Variants in GALNT5 observed in about 807,000 individuals in gnomAD.
GALNT5 encodes polypeptide N-acetylgalactosaminyltransferase 5.
Under a neutral mutation model 85.4 loss-of-function variants are expected in GALNT5, and 72 were observed. The observed-to-expected ratio is 0.84, with a 90% CI of 0.70 to 1.03. The LOEUF (loss-of-function observed/expected upper bound fraction) is 1.03, where lower values mean the gene tolerates loss of function less well. Among genes scored for constraint, GALNT5 ranks in the 50% least tolerant of loss-of-function variants. GALNT5 has a pLI of 0.00. For missense variants in GALNT5, 1,137 were observed against 1,135.5 expected, an observed-to-expected ratio of 1.00 and a Z score of -0.02; for synonymous variants, 404 against 397.0, an observed-to-expected ratio of 1.02 and a Z score of -0.21.
At chr2:157,281,482 G>A (rs1173243793) in intron 1 of GALNT5, among the ~76,000 whole-genome samples, 3 of 152,186 alleles carry the variant, frequency 2.0e-5, no homozygotes, top group African/African-American at 7.2e-5. Context: ...ACTGTTGGTA[G>A]CAATATGAAT....
At chr2:157,285,909 G>A in intron 2 of GALNT5, 106 bp from the exon 3 acceptor site, 1 of 684,066 alleles carries the variant, frequency 1.5e-6, no homozygotes, top group East Asian at 2.7e-5. Context: ...ATTCAGTGAT[G>A]ATGGTAATGT....
In GALNT5 at chr2:157,318,079, G is replaced by A. The variant is rs1683757927; in HGVS notation, c.*6731G>A. On this transcript the variant is annotated 3_prime_UTR_variant, in exon 10 of 10. Coordinates refer to ENST00000259056, the MANE Select transcript of GALNT5 (RefSeq NM_014568.3). ...GATGAAAGTTCAAGTTTTAAGAGAA[G>A]TGGTTGCCTTTCTCATACTGTCAAA... Among the ~76,000 whole-genome samples the A allele has an allele frequency of 6.6e-6, 1 of 152,078 alleles. No homozygotes were observed. The highest frequency in any genetic ancestry group is 2.4e-5 in the African/African-American group (1 of 41,418).
At chr2:157,284,043 C>A (rs1258651490) in intron 1 of GALNT5, among the ~76,000 whole-genome samples, 1 of 152,158 alleles carries the variant, frequency 6.6e-6, no homozygotes. Context: ...TTTATAACAA[C>A]CACGGTTACG....
chr2:157,262,000 G>A (rs1326270884), intron 1 of GALNT5, among the ~76,000 whole-genome samples: 4 of 152,062 alleles, frequency 2.6e-5, no homozygotes, highest in Non-Finnish European at 5.9e-5. Context: ...GTGAAAGAAA[G>A]AGAGAGAGAA....
At chr2:157,279,387 G>C (rs1237121496) in intron 1 of GALNT5, among the ~76,000 whole-genome samples, 4 of 152,378 alleles carry the variant, frequency 2.6e-5, no homozygotes, top group African/African-American at 9.6e-5. Flanking sequence ...TAAATCTGCA[G>C]AAGTTGTCTG....
At chr2:157,263,997 A>G (rs1296891759) in intron 1 of GALNT5, among the ~76,000 whole-genome samples, 2 of 152,224 alleles carry the variant, frequency 1.3e-5, no homozygotes, top group Non-Finnish European at 2.9e-5. Context: ...TTACGTCAGT[A>G]TGTAAAATAC....
rs1302267496 is a variant in GALNT5 at position 157,259,408 on chromosome 2, G to A, written c.1326G>A (p.Gly442=). The change falls in exon 1 of 10, where the codon GGG becomes GGA. Residue 442 remains glycine, a synonymous_variant. Coordinates refer to ENST00000259056, the MANE Select transcript of GALNT5 (RefSeq NM_014568.3). ...ACCCCAAAGCTCCAGGGCAGTTTGG[G>A]CGTCCTGTAGTTGTCCCCCATGGAA... ...PRDPKAPGQF[G]RPVVVPHGKE... 2 of 1,491,256 alleles carry A rather than the reference G, an allele frequency of 1.3e-6. No homozygotes were observed. Among genetic ancestry groups the A allele is most frequent in the East Asian group, 2.3e-5 (1 of 42,686 alleles). 92.4% of individuals were successfully genotyped at this position (1,491,256 alleles called of 1,614,324 possible).
At position 157,258,195 on chromosome 2, in the gene GALNT5, G is replaced by A. The variant is rs1197065657; in HGVS notation, c.113G>A (p.Ser38Asn). 6.2e-7 allele frequency: 1 copy of A among 1,612,902 alleles called. No individual in the cohort carries two copies. Among genetic ancestry groups the A allele is most frequent in the Admixed American group, 1.7e-5 (1 of 59,936 alleles). The change falls in exon 1 of 10, where the codon AGT becomes AAT. Residue 38 changes from serine (S) to asparagine (N), a missense_variant. Coordinates refer to ENST00000259056, the MANE Select transcript of GALNT5 (RefSeq NM_014568.3). ...FDMAALRLSF[S>N]EINTRVIKED... The stretch of plus-strand genomic sequence containing the variant: ...ATGGCAGCTCTCCGCCTCTCATTCA[G>A]TGAGATCAACACTCGGGTCATCAAG...
In GALNT5 at chr2:157,259,099, T is replaced by C; in HGVS notation, c.1017T>C (p.Ser339=). 1 of 1,479,500 alleles carries C rather than the reference T, an allele frequency of 6.8e-7. No homozygotes were observed. Among genetic ancestry groups the C allele is most frequent in the Non-Finnish European group, 9.0e-7 (1 of 1,113,378 alleles). 91.6% of individuals were successfully genotyped at this position (1,479,500 alleles called of 1,614,324 possible). Residue 339 remains serine (S), a synonymous_variant, in exon 1 of 10, where the codon TCT becomes TCC. Coordinates refer to ENST00000259056, the MANE Select transcript of GALNT5 (RefSeq NM_014568.3). ...AAAAGGCAGACCCCAAAGAGGTCTCTAATTCTAAAACCAAAACAATATTTC... is the reference window on the plus strand; with the variant it reads ...AAAAGGCAGACCCCAAAGAGGTCTCCAATTCTAAAACCAAAACAATATTTC... ...EEQKADPKEV[S]NSKTKTIFPK...
chr2:157,305,726 C>T (rs1683441538), intron 7 of GALNT5, 23 bp from the exon 8 acceptor site: 2 of 1,330,928 alleles, frequency 1.5e-6, no homozygotes, highest in Non-Finnish European at 2.2e-6. Context: ...TTTGTAATTC[C>T]TGTTTCGTAT....
chr2:157,279,073 C>T (rs992087447), intron 1 of GALNT5, among the ~76,000 whole-genome samples: 1 of 152,228 alleles, frequency 6.6e-6, no homozygotes, highest in African/African-American at 2.4e-5. Flanking sequence ...ACAGTCAGGA[C>T]CCTCAGCTGC....
At position 157,299,629 on chromosome 2, in the gene GALNT5, T is replaced by A. The variant is rs370856390; in HGVS notation, c.2079T>A (p.Asp693Glu). The change falls in exon 6 of 10, where the codon GAT (aspartate) becomes GAA (glutamate). Residue 693 changes from aspartate (D) to glutamate (E), a missense_variant. Physicochemically the swap from Asp to Glu is conservative, Grantham distance 45. Coordinates refer to ENST00000259056, the MANE Select transcript of GALNT5 (RefSeq NM_014568.3). ...TTGGAACATACGACCCTGGCCTTGA[T>A]GTTTGGGGTGGGGAAAATATGGAGC... ...FELGTYDPGL[D>E]VWGGENMELS... The A allele has an allele frequency of 6.2e-7, 1 of 1,610,966 alleles. No homozygotes were observed. Among genetic ancestry groups the A allele is most frequent in the Non-Finnish European group, 8.5e-7 (1 of 1,177,378 alleles).
intron 1 of GALNT5, among the ~76,000 whole-genome samples, chr2:157,278,789 T>C (rs1020458376): frequency 7.9e-5 from 12 of 152,136 alleles, no homozygotes; most frequent in Admixed American, 2.0e-4. Flanking sequence ...AAGTTTGTTA[T>C]TACCGACCTT....
chr2:157,261,821 T>C (rs1224274134), intron 1 of GALNT5, among the ~76,000 whole-genome samples: 1 of 152,182 alleles, frequency 6.6e-6, no homozygotes, highest in Non-Finnish European at 1.5e-5. Flanking sequence ...GTGTTTTTTG[T>C]TTTTGTTTTT....
intron 1 of GALNT5, among the ~76,000 whole-genome samples, chr2:157,277,657 T>G (rs1682764027): frequency 1.3e-5 from 2 of 152,224 alleles, no homozygotes; most frequent in Admixed American, 1.3e-4. Flanking sequence ...GTTCTTTTTT[T>G]GCTTTCCATT....
In GALNT5 at chr2:157,259,177, G is replaced by A. The variant is rs773233020; in HGVS notation, c.1095G>A (p.Glu365=). ...AACACATTTCCAGGAATAGAAGTGAGATGTCTTCCTCTTCACTTGCTCCAC... is the reference window on the plus strand; with the variant it reads ...AACACATTTCCAGGAATAGAAGTGAAATGTCTTCCTCTTCACTTGCTCCAC... ...QSKHISRNRS[E]MSSSSLAPHR... is the part of the protein sequence containing the mutation. Residue 365 remains glutamate, a synonymous_variant, in exon 1 of 10, where the codon GAG becomes GAA. Coordinates refer to ENST00000259056, the MANE Select transcript of GALNT5 (RefSeq NM_014568.3). The A allele has an allele frequency of 1.3e-6, 2 of 1,533,162 alleles. No homozygotes were observed. Among genetic ancestry groups the A allele is most frequent in the Non-Finnish European group, 1.7e-6 (2 of 1,143,312 alleles). 95.0% of individuals were successfully genotyped at this position (1,533,162 alleles called of 1,614,324 possible). A position where few individuals can be genotyped will look rare whatever the true frequency, so the allele number is the denominator to read the frequency against.
rs1466649322 is a variant in GALNT5 at position 157,318,209 on chromosome 2, C to T, written c.*6861C>T. On this transcript the variant is annotated 3_prime_UTR_variant, in exon 10 of 10. Transcript: ENST00000259056. ...TATCACATTGAAAAACTTAAATGTC[C>T]GTTCTCCATTTGAAAATATGCCAAA... is the stretch of plus-strand genomic sequence containing the variant. 6.6e-6 allele frequency among the ~76,000 whole-genome samples: 1 copy of T among 151,914 alleles called. No individual in the cohort carries two copies. The highest frequency in any genetic ancestry group is 2.4e-5 in the African/African-American group (1 of 41,360).
rs146346601 is a variant in GALNT5, at chr2:157,278,192, C to T, written c.1455-6090C>T. 2.3e-3 allele frequency among the ~76,000 whole-genome samples: 356 copies of T among 152,338 alleles called. 1 individual carries two copies. The highest frequency in any genetic ancestry group is 8.1e-3 in the African/African-American group (338 of 41,576). Reference sequence around the variant, plus strand: ...TGTAGAGTTTCTGCCGAGAGATCCACCATTAGTCTGATCGGCTTCCCTTTG... The same window carrying T: ...TGTAGAGTTTCTGCCGAGAGATCCATCATTAGTCTGATCGGCTTCCCTTTG... On this transcript the variant is annotated intron_variant, in intron 1 of 9. Transcript: ENST00000259056.
intron 3 of GALNT5, among the ~76,000 whole-genome samples, chr2:157,294,302 C>A (rs990363079): frequency 4.6e-5 from 7 of 152,126 alleles, no homozygotes; most frequent in Non-Finnish European, 1.0e-4. Context: ...TGGATCAGAG[C>A]AGAACAGAGC....
Sources: gnomAD v4.1 joint callset for allele counts (sites outside exome capture counted in the v4.1 genomes callset) on GRCh38, gnomAD v4.1.1 for gene constraint, MANE v1.5 for transcripts, NCBI Gene and HGNC (gene_info 2026-07-23, HGNC 2026-07-21) for gene names.